LHX8: variants seen among roughly 807,000 people sequenced by gnomAD.
LHX8 encodes LIM/homeobox protein Lhx8.
In LHX8, 12 loss-of-function variants were observed where a neutral mutation model predicts 40.3. That is an observed-to-expected ratio of 0.30 (90% CI 0.19 to 0.48). The LOEUF is 0.48. Among genes scored for constraint, LHX8 ranks in the 20% least tolerant of loss-of-function variants. The pLI, the probability that LHX8 is intolerant of heterozygous loss-of-function variation, is 0.99. For synonymous variants in LHX8, 179 were observed against 162.0 expected (o/e 1.10, Z -0.80); for missense variants, 344 against 433.7 (o/e 0.79, Z 1.84).
At chr1:75,132,220 G>C (rs1647992181), upstream of LHX8, 1 of 152,226 alleles carries the variant, frequency 6.6e-6, no homozygotes, top group African/African-American at 2.4e-5. Context: ...CCTGACAAAA[G>C]GTCAGAAGGT....
the LHX8 span, among the ~76,000 whole-genome samples, chr1:75,170,564 T>G: frequency 2.0e-5 from 3 of 152,236 alleles, no homozygotes; most frequent in African/African-American, 7.2e-5. Context: ...GCTATCTATT[T>G]CTTTACAAAC....
chr1:75,136,248 C>G (rs1648122855), intron 1 of LHX8, among the ~76,000 whole-genome samples: 1 of 152,136 alleles, frequency 6.6e-6, no homozygotes, highest in South Asian at 2.1e-4. Context: ...TTCCCCGCTC[C>G]GCTATGATTG....
the LHX8 span, among the ~76,000 whole-genome samples, chr1:75,184,136 T>G: frequency 6.6e-6 from 1 of 152,182 alleles, no homozygotes; most frequent in Non-Finnish European, 1.5e-5. Flanking sequence ...ACCAAGTTCT[T>G]AGAGACTCAC....
At chr1:75,168,347 C>T in the LHX8 span, among the ~76,000 whole-genome samples, 1 of 152,138 alleles carries the variant, frequency 6.6e-6, no homozygotes, top group African/African-American at 2.4e-5. Flanking sequence ...CTCAGCCTCC[C>T]AAGTAGCTGG....
the LHX8 span, among the ~76,000 whole-genome samples, chr1:75,197,216 G>T: frequency 3.8e-4 from 58 of 151,946 alleles, no homozygotes; most frequent in Non-Finnish European, 5.4e-4. Context: ...GAAATTTTTT[G>T]CTCCATTAAC....
exon 1 of LHX8, chr1:75,128,539 A>G (rs1343563101): frequency 6.6e-6 from 1 of 152,216 alleles, no homozygotes; most frequent in East Asian, 1.9e-4. Flanking sequence ...TAAAGAGGAC[A>G]AACACCGCAA....
At chr1:75,136,978 TG>T in intron 2 of LHX8, 121 bp from the exon 3 acceptor site, 1 of 570,296 alleles carries the variant, frequency 1.8e-6, no homozygotes, top group Non-Finnish European at 2.0e-6. Context: ...CTCAAGAAGC[TG>T]GGGGTGGGGT....
chr1:75,174,068 C>A, the LHX8 span, among the ~76,000 whole-genome samples: 1 of 151,912 alleles, frequency 6.6e-6, no homozygotes, highest in South Asian at 2.1e-4. Flanking sequence ...TTGTCCCAAG[C>A]ATTTTGGATA....
upstream of LHX8, chr1:75,131,648 C>A (rs1019399619): frequency 1.3e-5 from 2 of 152,244 alleles, no homozygotes; most frequent in African/African-American, 4.8e-5. Flanking sequence ...GGGGTCAGGG[C>A]GGGTTGATGT....
intron 7 of LHX8, among the ~76,000 whole-genome samples, chr1:75,156,210 TTTGTTGTTGTTG>T (rs71917165): frequency 6.7e-6 from 1 of 149,146 alleles, no homozygotes; most frequent in Non-Finnish European, 1.5e-5. Flanking sequence ...TTGTTTGGGC[TTTGTTGTTGTTG>T]TTGTTGTTGT....
chr1:75,183,564 A>G, the LHX8 span, among the ~76,000 whole-genome samples: 1 of 152,222 alleles, frequency 6.6e-6, no homozygotes, highest in Non-Finnish European at 1.5e-5. Context: ...TCCTTTCCCT[A>G]TAAGCAAATG....
the LHX8 span, among the ~76,000 whole-genome samples, chr1:75,176,205 T>A: frequency 6.6e-6 from 1 of 152,192 alleles, no homozygotes; most frequent in Admixed American, 6.5e-5. Flanking sequence ...GATGGCTGGG[T>A]CAAATGTTAT....
chr1:75,180,218 T>G, the LHX8 span, among the ~76,000 whole-genome samples: 2 of 152,182 alleles, frequency 1.3e-5, no homozygotes, highest in African/African-American at 2.4e-5. Context: ...CTGTATTTCC[T>G]GAATTTGAAT....
the LHX8 span, among the ~76,000 whole-genome samples, chr1:75,172,851 A>G: frequency 2.0e-5 from 3 of 152,262 alleles, no homozygotes; most frequent in South Asian, 4.2e-4. Context: ...TCTCCTAGGA[A>G]CACCCTGGGC....
At chr1:75,178,304 G>A in the LHX8 span, among the ~76,000 whole-genome samples, 1 of 152,024 alleles carries the variant, frequency 6.6e-6, no homozygotes, top group Non-Finnish European at 1.5e-5. Context: ...ATCTGGTCCT[G>A]GACTTTTTTT....
chr1:75,137,171 C>T lies in LHX8; in HGVS notation c.147C>T (p.Pro49=). The change falls in exon 3 of 9, where the codon CCC becomes CCT. Residue 49 remains proline (P), a synonymous_variant. Coordinates refer to ENST00000356261, the MANE Select transcript of LHX8 (RefSeq NM_001256114.2). ...SSAPLSPSSS[P]RSMASGSGCP... is the part of the protein sequence containing the mutation. Reference sequence around the variant, plus strand: ...CCCCGCTGTCCCCGTCGTCCTCGCCCCGGTCCATGGCCTCGGGCTCCGGCT... The same window carrying T: ...CCCCGCTGTCCCCGTCGTCCTCGCCTCGGTCCATGGCCTCGGGCTCCGGCT... 6.2e-7 allele frequency: 1 copy of T among 1,613,476 alleles called. No individual in the cohort carries two copies. The highest frequency in any genetic ancestry group is 8.5e-7 in the Non-Finnish European group (1 of 1,179,902).
At chr1:75,130,871 TC>T, upstream of LHX8, 1 of 859,792 alleles carries the variant, frequency 1.2e-6, no homozygotes, top group Non-Finnish European at 2.0e-6. Flanking sequence ...ATCCACAGTT[TC>T]AGAGTGGTTT....
intron 3 of LHX8, among the ~76,000 whole-genome samples, chr1:75,138,766 T>C (rs1648223789): frequency 6.6e-6 from 1 of 152,154 alleles, no homozygotes; most frequent in Non-Finnish European, 1.5e-5. Context: ...AGATAATAGT[T>C]TCTAGTGTTA....
the LHX8 span, among the ~76,000 whole-genome samples, chr1:75,167,205 G>T: frequency 6.6e-6 from 1 of 152,178 alleles, no homozygotes; most frequent in Admixed American, 6.5e-5. Flanking sequence ...TGGAGTCCTC[G>T]TTTTGCCACA....
Sources: gnomAD v4.1 joint callset for allele counts (sites outside exome capture counted in the v4.1 genomes callset) on GRCh38, gnomAD v4.1.1 for gene constraint, MANE v1.5 for transcripts, NCBI Gene and HGNC (gene_info 2026-07-23, HGNC 2026-07-21) for gene names.